Variants in STXBP5L observed in about 807,000 individuals in gnomAD.
STXBP5L encodes syntaxin binding protein 5L.
In STXBP5L, 65 loss-of-function variants were observed where a neutral mutation model predicts 144.5. The ratio of observed to expected loss-of-function variants is 0.45; its 90% CI spans 0.37 to 0.55. The LOEUF is 0.55. Among genes scored for constraint, STXBP5L ranks in the 20% least tolerant of loss-of-function variants. The pLI is 0.00. For synonymous variants in STXBP5L, 505 were observed against 469.6 expected (o/e 1.08, Z -0.97); for missense variants, 1,298 against 1,405.5 (o/e 0.92, Z 1.22).
At chr3:120,929,473 AT>A (rs1481121719) in intron 2 of STXBP5L, among the ~76,000 whole-genome samples, 2 of 151,718 alleles carry the variant, frequency 1.3e-5, no homozygotes, top group East Asian at 1.9e-4. Flanking sequence ...GTTGTTAAGG[AT>A]TTTTTTCTTT....
rs1467085074 is a variant in STXBP5L, at chr3:121,420,060, C to T, written c.*963C>T. The stretch of plus-strand genomic sequence containing the variant: ...CATTTGTATCCTTGTCTGCCAGTTA[C>T]ACAGTATATTACTGTTCAAACCCAG... On this transcript the variant is annotated 3_prime_UTR_variant, in exon 27 of 27. Transcript: ENST00000471454. 1 of 152,306 alleles carries T rather than the reference C, an allele frequency of 6.6e-6. No individual in the cohort carries two copies. Among genetic ancestry groups the T allele is most frequent in the Non-Finnish European group, 1.5e-5 (1 of 68,018 alleles). 9.4% of individuals were successfully genotyped at this position (152,306 alleles called of 1,614,324 possible).
intron 18 of STXBP5L, 84 bp downstream of exon 18, chr3:121,259,252 AT>A (rs2050309021): frequency 8.8e-7 from 1 of 1,130,948 alleles, no homozygotes; most frequent in Non-Finnish European, 1.2e-6. Context: ...AGTCCTAAAA[AT>A]GAAAAGAAGC....
intron 7 of STXBP5L, among the ~76,000 whole-genome samples, chr3:121,122,760 T>C (rs7635903): frequency 0.23 from 35,206 of 151,184 alleles, 4,225 homozygotes; most frequent in Non-Finnish European, 0.26. Flanking sequence ...AAGATGCTTG[T>C]AGGATAGGGT....
intron 6 of STXBP5L, among the ~76,000 whole-genome samples, chr3:121,119,772 G>A (rs1016008536): frequency 4.0e-5 from 6 of 151,282 alleles, no homozygotes; most frequent in African/African-American, 1.5e-4. Context: ...TCTCTATGCA[G>A]TGAAATAATG....
At chr3:121,324,204 ACT>A (rs2044070414) in intron 20 of STXBP5L, among the ~76,000 whole-genome samples, 1 of 151,982 alleles carries the variant, frequency 6.6e-6, no homozygotes, top group Non-Finnish European at 1.5e-5. Flanking sequence ...GGAGTATCAA[ACT>A]CTGTTGTTCT....
intron 10 of STXBP5L, among the ~76,000 whole-genome samples, chr3:121,217,241 C>T (rs1212323924): frequency 6.6e-6 from 1 of 152,156 alleles, no homozygotes; most frequent in Non-Finnish European, 1.5e-5. Flanking sequence ...AAAAGAAACT[C>T]CTTCAGCTAG....
At chr3:121,187,410 G>A (rs1415688592) in intron 9 of STXBP5L, among the ~76,000 whole-genome samples, 6 of 138,226 alleles carry the variant, frequency 4.3e-5, no homozygotes, top group African/African-American at 1.0e-4. Context: ...GTAGGGTGGG[G>A]GGAGCGGGGA....
At chr3:121,049,076 G>A (rs982830700) in intron 5 of STXBP5L, among the ~76,000 whole-genome samples, 1 of 151,972 alleles carries the variant, frequency 6.6e-6, no homozygotes, top group South Asian at 2.1e-4. Context: ...TAGCCTGAGA[G>A]CCTAGGTAGG....
chr3:121,396,190 A>G (rs1002042648), intron 22 of STXBP5L, among the ~76,000 whole-genome samples: 1 of 152,230 alleles, frequency 6.6e-6, no homozygotes. Context: ...TTAGTTAATA[A>G]TGCCAGATTC....
intron 3 of STXBP5L, among the ~76,000 whole-genome samples, chr3:120,955,727 C>G (rs1409151688): frequency 6.6e-6 from 1 of 151,954 alleles, no homozygotes; most frequent in Non-Finnish European, 1.5e-5. Context: ...ATTATACAAT[C>G]AAGATACAAA....
At chr3:121,217,157 C>T (rs1220539428) in intron 10 of STXBP5L, among the ~76,000 whole-genome samples, 1 of 152,140 alleles carries the variant, frequency 6.6e-6, no homozygotes, top group Non-Finnish European at 1.5e-5. Context: ...CCACTTGGCT[C>T]CCTGGCTTCA....
rs2045968702 is a variant in STXBP5L at position 121,152,574 on chromosome 3, A to G, written c.753+14A>G. 3.2e-6 allele frequency: 5 copies of G among 1,566,156 alleles called. No homozygotes were observed. The highest frequency in any genetic ancestry group is 3.6e-5 in the Admixed American group (2 of 55,060). On this transcript the variant is annotated intron_variant, in intron 8 of 26. Transcript: ENST00000471454. ...TATTATGATGAGGTAAGTGATTTCT[A>G]CCGACATGTTTGAAAGAGTATTGTG...
intron 19 of STXBP5L, among the ~76,000 whole-genome samples, chr3:121,311,627 A>T (rs1031140759): frequency 4.6e-5 from 7 of 152,208 alleles, no homozygotes; most frequent in South Asian, 2.1e-4. Flanking sequence ...TAGGAATCCA[A>T]CTTACAAGGG....
At chr3:121,032,399 AC>A (rs1261972482) in intron 3 of STXBP5L, among the ~76,000 whole-genome samples, 2 of 152,146 alleles carry the variant, frequency 1.3e-5, no homozygotes, top group Non-Finnish European at 2.9e-5. Flanking sequence ...GAATTTAGCT[AC>A]TAGAAAGTTG....
intron 20 of STXBP5L, among the ~76,000 whole-genome samples, chr3:121,346,405 T>G (rs1049670822): frequency 6.6e-6 from 1 of 152,114 alleles, no homozygotes; most frequent in Non-Finnish European, 1.5e-5. Flanking sequence ...AGTGCCGCAA[T>G]AAACATACAT....
At chr3:121,017,589 T>C (rs1381635088) in intron 3 of STXBP5L, among the ~76,000 whole-genome samples, 2 of 152,226 alleles carry the variant, frequency 1.3e-5, no homozygotes, top group East Asian at 3.8e-4. Flanking sequence ...TTCAGCAAAG[T>C]TGCAGGATAT....
intron 20 of STXBP5L, among the ~76,000 whole-genome samples, chr3:121,346,712 G>A (rs1199695328): frequency 1.3e-5 from 2 of 152,174 alleles, no homozygotes; most frequent in Non-Finnish European, 1.5e-5. Context: ...GTGGTGATGA[G>A]CATTTTTGTA....
At position 121,388,720 on chromosome 3, in the gene STXBP5L, C is replaced by G. The variant is rs529292044; in HGVS notation, c.2587+7188C>G. ...TATTGATTTCTGTATGTTGAACCAG[C>G]CTTGCATCCCAGGGAAGAAGCCAAC... On this transcript the variant is annotated intron_variant, in intron 22 of 26. Transcript: ENST00000471454. 2.6e-5 allele frequency among the ~76,000 whole-genome samples: 4 copies of G among 152,248 alleles called. No homozygotes were observed. The South Asian group carries it at 8.3e-4, about 32-fold the overall frequency.
At chr3:121,237,914 T>C (rs1015428378) in intron 12 of STXBP5L, among the ~76,000 whole-genome samples, 1 of 152,324 alleles carries the variant, frequency 6.6e-6, no homozygotes, top group East Asian at 1.9e-4. Flanking sequence ...AATTTCTGTC[T>C]GAGACCTCAT....
Sources: gnomAD v4.1 joint callset for allele counts (sites outside exome capture counted in the v4.1 genomes callset) on GRCh38, gnomAD v4.1.1 for gene constraint, MANE v1.5 for transcripts, NCBI Gene and HGNC (gene_info 2026-07-23, HGNC 2026-07-21) for gene names.